Variants in MYH11 observed in about 807,000 individuals in gnomAD.
MYH11 encodes myosin-11.
A neutral mutation model predicts 246.6 loss-of-function variants in MYH11; 80 were observed. That is an observed-to-expected ratio of 0.32 (90% CI 0.27 to 0.39). MYH11 has a LOEUF of 0.39. Ranked by LOEUF, MYH11 falls within the 10% of genes least tolerant of loss-of-function variation. The pLI, the probability that MYH11 is intolerant of heterozygous loss-of-function variation, is 1.00. For synonymous variants in MYH11, 1,071 were observed against 1,015.5 expected (o/e 1.05, Z -1.04); for missense variants, 2,158 against 2,546.8 (o/e 0.85, Z 3.29).
At chr16:15,792,524 G>A (rs1053930427) in intron 4 of MYH11, 2 of 152,138 alleles carry the variant, frequency 1.3e-5, no homozygotes, top group Non-Finnish European at 2.9e-5. Context: ...TTTAGACTTT[G>A]AGGGTCACGC....
At chr16:15,769,702 C>T (rs537715390) in intron 9 of MYH11, among the ~76,000 whole-genome samples, 1 of 152,374 alleles carries the variant, frequency 6.6e-6, no homozygotes, top group East Asian at 1.9e-4. Flanking sequence ...GCTGGAATTA[C>T]AGGCGTGAGC....
At chr16:15,809,857 G>C (rs763493777) in intron 3 of MYH11, among the ~76,000 whole-genome samples, 1 of 150,722 alleles carries the variant, frequency 6.6e-6, no homozygotes, top group Non-Finnish European at 1.5e-5. Context: ...GAGAGGCTGA[G>C]GCTCAGGTGA....
At chr16:15,708,046 G>A (rs1367382217) in intron 40 of MYH11, among the ~76,000 whole-genome samples, 4 of 151,512 alleles carry the variant, frequency 2.6e-5, no homozygotes, top group Non-Finnish European at 5.9e-5. Flanking sequence ...GCATCCTTGA[G>A]TCTTGGGTAT....
chr16:15,732,854 A>T, intron 26 of MYH11, 146 bp from the exon 27 acceptor site: 1 of 996,400 alleles, frequency 1.0e-6, no homozygotes, highest in East Asian at 2.6e-5. Flanking sequence ...TGGGTCATTC[A>T]CCTAACATCT....
chr16:15,733,522 C>T (rs370600953), intron 26 of MYH11, among the ~76,000 whole-genome samples: 9 of 151,498 alleles, frequency 5.9e-5, no homozygotes, highest in Admixed American at 5.9e-4. Flanking sequence ...TGTGAGCCAC[C>T]GCACTCAGCC....
In MYH11 at chr16:15,786,857, G is replaced by A. The variant is rs556765231; in HGVS notation, c.531-125C>T. ...CCAGAGGGTGAAACAGAGGCTCCCA[G>A]AGGGGAAGTAACTTGCCCAAGGCCA... is the stretch of plus-strand genomic sequence containing the variant. On this transcript the variant is annotated intron_variant, in intron 4 of 40. Transcript: ENST00000300036. The A allele has an allele frequency of 4.2e-6, 4 of 943,130 alleles. No homozygotes were observed. The East Asian group carries it at 7.8e-5, about 19-fold the overall frequency. 58.4% of individuals were successfully genotyped at this position (943,130 alleles called of 1,614,324 possible).
chr16:15,803,943 G>C (rs1328764294), intron 3 of MYH11, among the ~76,000 whole-genome samples: 1 of 152,168 alleles, frequency 6.6e-6, no homozygotes, highest in African/African-American at 2.4e-5. Context: ...CTGGTTACGA[G>C]CAGAAGGACT....
At position 15,839,951 on chromosome 16, in the gene MYH11, T is replaced by G. The variant is rs564798950; in HGVS notation, c.-17-1682A>C. Among the ~76,000 whole-genome samples the G allele has an allele frequency of 5.3e-5, 8 of 152,074 alleles. No individual in the cohort carries two copies. The East Asian group carries it at 1.5e-3, about 29-fold the overall frequency. ...CTGTAATCCCAGTTACTCAAAAAGC[T>G]GAGGCAGGAGAATCACTTGAACCTG... On this transcript the variant is annotated intron_variant, in intron 1 of 40. Coordinates refer to ENST00000300036, the MANE Select transcript of MYH11 (RefSeq NM_002474.3).
chr16:15,796,511 G>A (rs1480851803), intron 4 of MYH11, among the ~76,000 whole-genome samples: 1 of 152,172 alleles, frequency 6.6e-6, no homozygotes, highest in Non-Finnish European at 1.5e-5. Flanking sequence ...TCAACAGAGG[G>A]CAGTTGAGCT....
At chr16:15,710,153 A>G (rs1219761163) in intron 40 of MYH11, among the ~76,000 whole-genome samples, 4 of 152,124 alleles carry the variant, frequency 2.6e-5, no homozygotes, top group Non-Finnish European at 5.9e-5. Flanking sequence ...TTTTTGTTCC[A>G]CTTTGCCCTT....
intron 13 of MYH11, 84 bp from the exon 14 acceptor site, chr16:15,756,598 C>T: frequency 7.2e-7 from 1 of 1,394,790 alleles, no homozygotes. Flanking sequence ...ATACACAACG[C>T]ATGGGCATCC....
In MYH11 at chr16:15,756,420, T is replaced by G. The variant is rs1274162711; in HGVS notation, c.1670A>C (p.Gln557Pro). 6.2e-7 allele frequency: 1 copy of G among 1,614,184 alleles called. No individual in the cohort carries two copies. Among genetic ancestry groups the G allele is most frequent in the Non-Finnish European group, 8.5e-7 (1 of 1,180,036 alleles). ...CTTCTGGAACTTGGGGTGGCTGCCC[T>G]GCTCCGTGCACAGCTTCTCCACGAA... Reference protein sequence around the residue: ...KSFVEKLCTEQGSHPKFQKPK... With the variant: ...KSFVEKLCTEPGSHPKFQKPK... Residue 557 changes from glutamine to proline, a missense_variant, in exon 14 of 41, where the codon CAG becomes CCG. Gln to Pro is a moderately conservative substitution (Grantham distance 76, BLOSUM62 -1). Coordinates refer to ENST00000300036, the MANE Select transcript of MYH11 (RefSeq NM_002474.3).
intron 28 of MYH11, 191 bp downstream of exon 28, chr16:15,726,657 C>T (rs913206727): frequency 4.5e-5 from 31 of 696,212 alleles, no homozygotes; most frequent in Middle Eastern, 7.7e-4. Flanking sequence ...CATGAGCCAC[C>T]GTGCCTGGCC....
intron 2 of MYH11, among the ~76,000 whole-genome samples, chr16:15,833,385 G>GAGGAAGGAAGGAAGGGAGGA (rs1291545328): frequency 0.036 from 3,938 of 110,226 alleles, 74 homozygotes; most frequent in Admixed American, 0.048. Flanking sequence ...GGGAGGGAGG[G>GAGGAAGGAAGGAAGGGAGGA]AGGAAGGAAG....
At chr16:15,734,497 A>G (rs2041059210) in intron 26 of MYH11, among the ~76,000 whole-genome samples, 1 of 152,116 alleles carries the variant, frequency 6.6e-6, no homozygotes, top group Non-Finnish European at 1.5e-5. Context: ...ACAGGGTTTC[A>G]CCATGTTGGC....
chr16:15,732,337 C>T (rs923021137), intron 27 of MYH11: 71 of 623,904 alleles, frequency 1.1e-4, no homozygotes, highest in South Asian at 9.6e-4. Flanking sequence ...TGAGCTCAAG[C>T]GATCCTCCCG....
intron 2 of MYH11, among the ~76,000 whole-genome samples, chr16:15,835,524 T>G (rs1367160940): frequency 2.0e-5 from 3 of 152,208 alleles, no homozygotes. Flanking sequence ...AGGGGCTTTT[T>G]GTAATTTTCA....
chr16:15,724,311 G>A lies in MYH11; in HGVS notation c.4215C>T (p.Thr1405=). 6.2e-7 allele frequency: 1 copy of A among 1,614,114 alleles called. No individual in the cohort carries two copies. The highest frequency in any genetic ancestry group is 8.5e-7 in the Non-Finnish European group (1 of 1,180,022). ...KRFQKEIENL[T]QQYEEKAAAY... ...CGGCCGCCTTCTCCTCGTACTGCTG[G>A]GTGAGGTTCTCGATCTCCTTCTGGA... The change falls in exon 31 of 41, where the codon ACC becomes ACT. Residue 1405 remains threonine, a synonymous_variant. Coordinates refer to ENST00000300036, the MANE Select transcript of MYH11 (RefSeq NM_002474.3).
chr16:15,833,389 A>AAGGAAGGG (rs371875757), intron 2 of MYH11, among the ~76,000 whole-genome samples: 19,875 of 112,652 alleles, frequency 0.18, 1,516 homozygotes, highest in East Asian at 0.27. Context: ...GGGAGGGAGG[A>AAGGAAGGG]AGGAAGGAAG....
Sources: allele counts gnomAD v4.1 joint callset (sites outside exome capture counted in the v4.1 genomes callset), GRCh38; gene constraint gnomAD v4.1.1; transcripts MANE v1.5; gene names NCBI Gene and HGNC (gene_info 2026-07-23, HGNC 2026-07-21).